Variants in CR2 observed in about 807,000 individuals in gnomAD.
The protein encoded by CR2 is complement receptor type 2.
Under a neutral mutation model 123.0 loss-of-function variants are expected in CR2, and 96 were observed. The ratio of observed to expected loss-of-function variants is 0.78; its 90% CI spans 0.66 to 0.93. The LOEUF is 0.93. CR2 is among the 40% of genes least tolerant of loss of function. The pLI, the probability that CR2 is intolerant of heterozygous loss-of-function variation, is 0.00. For synonymous variants in CR2, 484 were observed against 469.5 expected, an observed-to-expected ratio of 1.03 and a Z score of -0.40; for missense variants, 1,258 against 1,361.0, an observed-to-expected ratio of 0.92 and a Z score of 1.19.
At chr1:207,455,582 A>G (rs1271192732) in intron 1 of CR2, among the ~76,000 whole-genome samples, 1 of 152,200 alleles carries the variant, frequency 6.6e-6, no homozygotes, top group East Asian at 1.9e-4. Flanking sequence ...ATATTAGTTT[A>G]TTACAACTTT....
chr1:207,456,137 G>A (rs188593793), intron 1 of CR2, among the ~76,000 whole-genome samples: 1 of 152,084 alleles, frequency 6.6e-6, no homozygotes, highest in Non-Finnish European at 1.5e-5. Context: ...AGAAAATCTG[G>A]TGTCTTCAGC....
At chr1:207,484,312 A>G (rs572684126) in intron 18 of CR2, among the ~76,000 whole-genome samples, 16 of 152,244 alleles carry the variant, frequency 1.1e-4, no homozygotes, top group Non-Finnish European at 2.4e-4. Context: ...GTTTAACCAG[A>G]TTCCTAGTTG....
At chr1:207,456,180 A>G (rs990010035) in intron 1 of CR2, among the ~76,000 whole-genome samples, 7 of 152,144 alleles carry the variant, frequency 4.6e-5, no homozygotes, top group Non-Finnish European at 8.8e-5. Flanking sequence ...ATCTCACCGA[A>G]GCTCACACCC....
intron 1 of CR2, among the ~76,000 whole-genome samples, chr1:207,459,394 A>T (rs1440081312): frequency 6.6e-6 from 1 of 151,920 alleles, no homozygotes; most frequent in African/African-American, 2.4e-5. Flanking sequence ...AAACTTGCTT[A>T]TCAAATAGGC....
In CR2 at chr1:207,469,680, C is replaced by T; in HGVS notation, c.818-15C>T. The T allele has an allele frequency of 6.2e-7, 1 of 1,612,252 alleles. No homozygotes were observed. The highest frequency in any genetic ancestry group is 1.3e-5 in the African/African-American group (1 of 74,948). ...ACACCTATGATCTTGTCATTTCTTT[C>T]TGCAATTCCCCTAGAAATTTTTTGC... On this transcript the variant is annotated splice_polypyrimidine_tract_variant and intron_variant, in intron 5 of 19. Transcript: ENST00000367057.
intron 9 of CR2, chr1:207,471,786 A>T: frequency 2.6e-6 from 1 of 383,542 alleles, no homozygotes; most frequent in South Asian, 2.1e-5. Context: ...GGTATACCAC[A>T]GTTTAGTGGA....
chr1:207,480,022 A>G lies in CR2; in HGVS notation c.3157A>G (p.Thr1053Ala). The change falls in exon 18 of 20, where the codon ACC (threonine) becomes GCC (alanine). Residue 1053 changes from threonine (T) to alanine (A), a missense_variant. Thr to Ala is a moderately conservative substitution (Grantham distance 58). Transcript: ENST00000367057. ...ACTTCTTACCTTCTTGATTGTCATTACCTTATACGTGATATCAAAACACAG... is the reference window on the plus strand; with the variant it reads ...ACTTCTTACCTTCTTGATTGTCATTGCCTTATACGTGATATCAAAACACAG... ...LILLTFLIVITLYVISKHRAR... is the reference protein window; with the variant it reads ...LILLTFLIVIALYVISKHRAR... The G allele has an allele frequency of 6.2e-7, 1 of 1,613,132 alleles. No homozygotes were observed.
chr1:207,470,258 A>G (rs546082881), intron 6 of CR2, among the ~76,000 whole-genome samples, 156 bp downstream of exon 6: 8 of 152,160 alleles, frequency 5.3e-5, no homozygotes, highest in Non-Finnish European at 1.2e-4. Flanking sequence ...CATTCTTATC[A>G]CTAGCCCCCC....
Position 207,471,067 on chromosome 1 carries a change from C to T in CR2, c.1473C>T (p.Val491=). The change falls in exon 8 of 20, where the codon GTC becomes GTT. Residue 491 remains valine, a synonymous_variant. Coordinates refer to ENST00000367057, the MANE Select transcript of CR2 (RefSeq NM_001006658.3). ...KPQHQFVRPD[V]NSSCGEGYKL... is the part of the protein sequence containing the mutation. ...AGCACCAATTTGTTAGACCAGATGT[C>T]AACTCTTCTTGTGGTGAAGGGTGAG... 1 of 1,613,632 alleles carries T rather than the reference C, an allele frequency of 6.2e-7. No homozygotes were observed. The highest frequency in any genetic ancestry group is 1.3e-5 in the African/African-American group (1 of 75,018).
At chr1:207,465,676 G>A (rs1301345458) in intron 1 of CR2, among the ~76,000 whole-genome samples, 2 of 152,196 alleles carry the variant, frequency 1.3e-5, no homozygotes, top group Non-Finnish European at 2.9e-5. Context: ...GAGCCAAAGG[G>A]AAGTTAACTG....
rs1657781434 is a variant in CR2, at chr1:207,454,540, C to T, written c.58+64C>T. ...CCGGGCAGGGAAAGTTTCTGTGCCGCGATGCAAAGCAGGGGGCCAAAAGCG... is the reference window on the plus strand; with the variant it reads ...CCGGGCAGGGAAAGTTTCTGTGCCGTGATGCAAAGCAGGGGGCCAAAAGCG... On this transcript the variant is annotated intron_variant, in intron 1 of 19. Transcript: ENST00000367057. This position sits in a 1 kb window ranked among gnomAD's most constrained non-coding sequence, Gnocchi z 4.3. 3.1e-6 allele frequency: 4 copies of T among 1,272,486 alleles called. No homozygotes were observed. The highest frequency in any genetic ancestry group is 4.3e-6 in the Non-Finnish European group (4 of 932,602). The allele number at this position is 1,272,486 out of a possible 1,614,324, so 78.8% of individuals were successfully genotyped here.
chr1:207,463,328 T>C (rs996063807), intron 1 of CR2, among the ~76,000 whole-genome samples: 1 of 152,152 alleles, frequency 6.6e-6, no homozygotes, highest in African/African-American at 2.4e-5. Flanking sequence ...ATCTGAGTAA[T>C]TGCCACATAC....
intron 18 of CR2, among the ~76,000 whole-genome samples, chr1:207,481,050 T>C (rs1002656737): frequency 1.3e-5 from 2 of 152,100 alleles, no homozygotes; most frequent in African/African-American, 4.8e-5. Flanking sequence ...TTCTCTCCCT[T>C]AGTCATTTTC....
intron 15 of CR2, among the ~76,000 whole-genome samples, chr1:207,477,107 A>G (rs1273455896): frequency 1.3e-5 from 2 of 152,228 alleles, no homozygotes. Context: ...CACTGTGTTA[A>G]TCCATTCTCA....
intron 9 of CR2, among the ~76,000 whole-genome samples, 197 bp downstream of exon 9, chr1:207,471,696 T>A (rs1278284837): frequency 1.3e-5 from 2 of 152,184 alleles, no homozygotes; most frequent in Non-Finnish European, 2.9e-5. Context: ...TAAATCTACT[T>A]TGTTACTGAT....
Position 207,454,482 on chromosome 1 carries a change from C to T in CR2, c.58+6C>T. On this transcript the variant is annotated splice_donor_region_variant and intron_variant, in intron 1 of 19. Coordinates refer to ENST00000367057, the MANE Select transcript of CR2 (RefSeq NM_001006658.3). The surrounding 1 kb of genome is among the most constrained non-coding windows in gnomAD (Gnocchi z 4.3). ...CGTCGCACCGGGGGTCCTCGGTGAGCTGGGAGGGGGAGCACGGAGGTGGGG... is the reference window on the plus strand; with the variant it reads ...CGTCGCACCGGGGGTCCTCGGTGAGTTGGGAGGGGGAGCACGGAGGTGGGG... 1 of 1,555,498 alleles carries T rather than the reference C, an allele frequency of 6.4e-7. No homozygotes were observed. The highest frequency in any genetic ancestry group is 8.7e-7 in the Non-Finnish European group (1 of 1,154,484).
intron 7 of CR2, 29 bp downstream of exon 7, chr1:207,470,945 T>C: frequency 6.2e-7 from 1 of 1,613,860 alleles, no homozygotes; most frequent in Non-Finnish European, 8.5e-7. Flanking sequence ...AGACATTTTG[T>C]TAACTTTAAG....
At position 207,469,753 on chromosome 1, in the gene CR2, A is replaced by G; in HGVS notation, c.876A>G (p.Leu292=). Residue 292 remains leucine, a synonymous_variant, in exon 6 of 20, where the codon CTA becomes CTG. Transcript: ENST00000367057. ...ILNGRHIGNS[L]ANVSYGSIVT... is the part of the protein sequence containing the mutation. ...ATGGAAGACATATAGGCAACTCACT[A>G]GCAAATGTCTCATATGGAAGCATAG... is the stretch of plus-strand genomic sequence containing the variant. 1 of 1,613,922 alleles carries G rather than the reference A, an allele frequency of 6.2e-7. No homozygotes were observed. The highest frequency in any genetic ancestry group is 8.5e-7 in the Non-Finnish European group (1 of 1,179,888).
In CR2 at chr1:207,475,227, TGGAAG is replaced by T. The variant is rs1404853319; in HGVS notation, c.2716+15_2716+19del. The T allele has an allele frequency of 6.2e-7, 1 of 1,613,700 alleles. No individual in the cohort carries two copies. On this transcript the variant is annotated intron_variant, in intron 14 of 19. Coordinates refer to ENST00000367057, the MANE Select transcript of CR2 (RefSeq NM_001006658.3). ...CTTGTATCAAAAAAGGTAAGATACT[TGGAAG>T]GGATAAGTTATGGGATGTTGTACAG...
Sources: gnomAD v4.1 joint callset for allele counts (sites outside exome capture counted in the v4.1 genomes callset) on GRCh38, gnomAD v4.1.1 for gene constraint, Gnocchi (gnomAD v3.1) non-coding constraint, MANE v1.5 for transcripts, NCBI Gene and HGNC (gene_info 2026-07-23, HGNC 2026-07-21) for gene names.